SPATS2: variants seen among roughly 807,000 people sequenced by gnomAD.
SPATS2 encodes the protein spermatogenesis-associated serine-rich protein 2.
A neutral mutation model predicts 63.7 loss-of-function variants in SPATS2; 38 were observed. That is an observed-to-expected ratio of 0.60 (90% CI 0.46 to 0.78). The LOEUF is 0.78. Ranked by LOEUF, SPATS2 falls within the 30% of genes least tolerant of loss-of-function variation. The pLI, the probability that SPATS2 is intolerant of heterozygous loss-of-function variation, is 0.00. For synonymous variants in SPATS2, 207 were observed against 232.9 expected (o/e 0.89, Z 1.01); for missense variants, 588 against 666.2 (o/e 0.88, Z 1.29).
At chr12:49,426,863 G>C (rs1945086993) in intron 2 of SPATS2, among the ~76,000 whole-genome samples, 1 of 152,110 alleles carries the variant, frequency 6.6e-6, no homozygotes, top group Admixed American at 6.5e-5. Flanking sequence ...TCTATTCTGT[G>C]AATGTGTTAC....
chr12:49,439,021 A>G (rs1259679344), intron 2 of SPATS2, among the ~76,000 whole-genome samples: 1 of 152,260 alleles, frequency 6.6e-6, no homozygotes, highest in Non-Finnish European at 1.5e-5. Context: ...AAAATGTAGA[A>G]AAACACAGGG....
chr12:49,371,837 A>T (rs980580326), intron 2 of SPATS2, among the ~76,000 whole-genome samples: 1 of 152,056 alleles, frequency 6.6e-6, no homozygotes, highest in East Asian at 1.9e-4. Context: ...TTCATGAGAA[A>T]CCACCCCAAT....
At chr12:49,379,803 A>G (rs529691184) in intron 2 of SPATS2, among the ~76,000 whole-genome samples, 1 of 151,672 alleles carries the variant, frequency 6.6e-6, no homozygotes, top group Non-Finnish European at 1.5e-5. Flanking sequence ...TTGTATTTTT[A>G]GTAGAGATGG....
intron 3 of SPATS2, among the ~76,000 whole-genome samples, chr12:49,467,475 C>A (rs986648412): frequency 3.9e-5 from 6 of 152,038 alleles, no homozygotes; most frequent in Admixed American, 3.9e-4. Context: ...TTTGTGATTC[C>A]CACAGATTGC....
chr12:49,418,497 G>A (rs1218394982), intron 2 of SPATS2, among the ~76,000 whole-genome samples: 3 of 151,866 alleles, frequency 2.0e-5, no homozygotes, highest in South Asian at 2.1e-4. Context: ...ACGGGGTTTC[G>A]CCATGTTGGG....
intron 2 of SPATS2, among the ~76,000 whole-genome samples, chr12:49,425,620 A>G (rs1376579457): frequency 2.0e-5 from 3 of 151,598 alleles, no homozygotes; most frequent in Non-Finnish European, 4.4e-5. Context: ...ACGTCCGGCC[A>G]TGTAAGTGTT....
intron 3 of SPATS2, among the ~76,000 whole-genome samples, chr12:49,464,371 G>A (rs1945872122): frequency 6.6e-6 from 1 of 151,074 alleles, no homozygotes; most frequent in African/African-American, 2.4e-5. Context: ...TGTAATCCCA[G>A]CACTTTGGGA....
At chr12:49,436,707 G>A (rs1445657225) in intron 2 of SPATS2, among the ~76,000 whole-genome samples, 2 of 140,186 alleles carry the variant, frequency 1.4e-5, no homozygotes, top group African/African-American at 2.7e-5. Context: ...CTCACCTCCC[G>A]GATGGGGCGG....
rs192716473 is a variant in SPATS2, at chr12:49,453,148, G to C, written c.-243-7622G>C. Among the ~76,000 whole-genome samples, 632 of 141,646 alleles carry C rather than the reference G, an allele frequency of 4.5e-3. 4 individuals are homozygous for C. Among genetic ancestry groups the C allele is most frequent in the Middle Eastern group, 7.5e-3 (2 of 266 alleles). 92.9% of individuals were successfully genotyped at this position (141,646 alleles called of 152,430 possible). ...CACTCCCACCTGGGCTGCACAGAGC[G>C]AGACTCCGTCTCAAAAAAAAAAAAA... is the stretch of plus-strand genomic sequence containing the variant. On this transcript the variant is annotated intron_variant, in intron 2 of 13. Coordinates refer to ENST00000552918, the MANE Select transcript of SPATS2 (RefSeq NM_023071.4).
intron 2 of SPATS2, among the ~76,000 whole-genome samples, chr12:49,457,650 C>T (rs1294440326): frequency 6.6e-6 from 1 of 152,136 alleles, no homozygotes; most frequent in Non-Finnish European, 1.5e-5. Flanking sequence ...TCAGACTGGT[C>T]TAGAACTCCT....
intron 2 of SPATS2, among the ~76,000 whole-genome samples, chr12:49,410,140 G>A (rs1408916331): frequency 5.3e-5 from 8 of 151,756 alleles, no homozygotes; most frequent in African/African-American, 1.7e-4. Context: ...CAATGGTGCA[G>A]TCTTGGCTCA....
chr12:49,437,218 C>T (rs1162519359), intron 2 of SPATS2, among the ~76,000 whole-genome samples: 1 of 151,792 alleles, frequency 6.6e-6, no homozygotes, highest in East Asian at 2.0e-4. Flanking sequence ...AGACGCTCCT[C>T]ACATCCCAGA....
chr12:49,379,212 G>A (rs143242828), intron 2 of SPATS2, among the ~76,000 whole-genome samples: 2,280 of 151,524 alleles, frequency 0.015, 59 homozygotes, highest in African/African-American at 0.052. Flanking sequence ...GAGCCACTGC[G>A]CCTGGCCCCA....
intron 2 of SPATS2, among the ~76,000 whole-genome samples, chr12:49,448,361 G>A (rs1476870778): frequency 6.6e-6 from 1 of 151,614 alleles, no homozygotes; most frequent in African/African-American, 2.4e-5. Flanking sequence ...GGATGGTCTC[G>A]ATCTCCTGAC....
At chr12:49,409,203 C>T (rs1014830601) in intron 2 of SPATS2, among the ~76,000 whole-genome samples, 5 of 152,186 alleles carry the variant, frequency 3.3e-5, no homozygotes, top group African/African-American at 1.2e-4. Flanking sequence ...TCCTGTCTAT[C>T]CAAATCTTAT....
intron 2 of SPATS2, among the ~76,000 whole-genome samples, chr12:49,411,022 T>G (rs957857388): frequency 6.6e-6 from 1 of 152,126 alleles, no homozygotes; most frequent in African/African-American, 2.4e-5. Flanking sequence ...ATTTCAAAAT[T>G]TGTATAGGGC....
chr12:49,511,472 C>T (rs1946752702), intron 9 of SPATS2, among the ~76,000 whole-genome samples: 1 of 152,052 alleles, frequency 6.6e-6, no homozygotes, highest in Non-Finnish European at 1.5e-5. Flanking sequence ...AGAATCTAGT[C>T]TGCCAGATGC....
chr12:49,372,858 A>G (rs1944022143), intron 2 of SPATS2, among the ~76,000 whole-genome samples: 1 of 152,160 alleles, frequency 6.6e-6, no homozygotes, highest in African/African-American at 2.4e-5. Context: ...AAGCTGTAAC[A>G]TAATACCAAA....
chr12:49,462,353 G>A, intron 3 of SPATS2: 1 of 702,390 alleles, frequency 1.4e-6, no homozygotes, highest in Non-Finnish European at 2.6e-6. Flanking sequence ...GTACCAGCAG[G>A]GGTGAACTCT....
Sources: gnomAD v4.1 joint callset for allele counts (sites outside exome capture counted in the v4.1 genomes callset) on GRCh38, gnomAD v4.1.1 for gene constraint, MANE v1.5 for transcripts, NCBI Gene and HGNC (gene_info 2026-07-23, HGNC 2026-07-21) for gene names.